Variants in VSIG10 observed in about 807,000 individuals in gnomAD.
VSIG10 encodes V-set and immunoglobulin domain-containing protein 10.
A neutral mutation model predicts 58.7 loss-of-function variants in VSIG10; 48 were observed. That is an observed-to-expected ratio of 0.82 (90% CI 0.65 to 1.04). The LOEUF is 1.04. Ranked by LOEUF, VSIG10 falls within the 50% of genes least tolerant of loss-of-function variation. VSIG10 has a pLI of 0.00. For synonymous variants in VSIG10, 260 were observed against 267.1 expected (o/e 0.97, Z 0.26); for missense variants, 628 against 670.0 (o/e 0.94, Z 0.69).
intron 4 of VSIG10, among the ~76,000 whole-genome samples, chr12:118,075,727 G>A (rs755016883): frequency 6.6e-6 from 1 of 152,068 alleles, no homozygotes; most frequent in Admixed American, 6.6e-5. Context: ...ATTTACTGTG[G>A]GCAAGGCACT....
chr12:118,103,290 C>A, intron 1 of VSIG10: 1 of 321,658 alleles, frequency 3.1e-6, no homozygotes, highest in Non-Finnish European at 5.7e-6. Context: ...AAATCACTTT[C>A]CCGGCACACG....
chr12:118,071,585 G>T, intron 5 of VSIG10, 116 bp from the exon 6 acceptor site: 1 of 877,538 alleles, frequency 1.1e-6, no homozygotes, highest in Non-Finnish European at 1.9e-6. Context: ...CTTGGGTAAG[G>T]CTTATGACCT....
rs1400576913 is a variant in VSIG10 at position 118,066,557 on chromosome 12, G to A, written c.*82C>T. ...CAAGCCCCCGCCAGGGGTGCAGGTG[G>A]AGTCAAAGCTGAATGAAGAGCTCGT... On this transcript the variant is annotated 3_prime_UTR_variant, in exon 9 of 9. Transcript: ENST00000359236. 2.0e-6 allele frequency: 3 copies of A among 1,510,000 alleles called. No individual in the cohort carries two copies. The highest frequency in any genetic ancestry group is 2.8e-6 in the Non-Finnish European group (3 of 1,085,944). 93.5% of individuals were successfully genotyped at this position (1,510,000 alleles called of 1,614,324 possible). A position where few individuals can be genotyped will look rare whatever the true frequency, so the allele number is the denominator to read the frequency against.
rs754356499 is a variant in VSIG10 at position 118,066,706 on chromosome 12, G to A, written c.1568-12C>T. On this transcript the variant is annotated splice_polypyrimidine_tract_variant and intron_variant, in intron 8 of 8. Coordinates refer to ENST00000359236, the MANE Select transcript of VSIG10 (RefSeq NM_019086.6). The stretch of plus-strand genomic sequence containing the variant: ...CTCACTGCTGTCATCTGTATGGGGG[G>A]AAATAAACCCAATGCTTTGTAATCA... 1.9e-6 allele frequency: 3 copies of A among 1,588,578 alleles called. No homozygotes were observed. Among genetic ancestry groups the A allele is most frequent in the African/African-American group, 1.4e-5 (1 of 73,880 alleles).
chr12:118,092,017 A>G (rs1480755636), intron 2 of VSIG10, among the ~76,000 whole-genome samples: 1 of 151,906 alleles, frequency 6.6e-6, no homozygotes, highest in Admixed American at 6.6e-5. Flanking sequence ...CGGCCTCCCA[A>G]AGTGCTGCGA....
At chr12:118,087,853 A>G (rs377608363) in intron 2 of VSIG10, among the ~76,000 whole-genome samples, 2 of 117,204 alleles carry the variant, frequency 1.7e-5, no homozygotes, top group East Asian at 2.2e-4. Flanking sequence ...AAAAAAAAAA[A>G]AAAGAGAGAG....
chr12:118,065,713 ATTTTTCAATAAATGGATTATG>A lies in VSIG10; in HGVS notation c.*905_*925del, dbSNP rs1238719232. 6.6e-6 allele frequency: 1 copy of A among 152,234 alleles called. No homozygotes were observed. 9.4% of individuals were successfully genotyped at this position (152,234 alleles called of 1,614,324 possible). On this transcript the variant is annotated 3_prime_UTR_variant, in exon 9 of 9. Coordinates refer to ENST00000359236, the MANE Select transcript of VSIG10 (RefSeq NM_019086.6). ...ATTTAGCAGGTGATCTTACAAAGATATTTTTCAATAAATGGATTATGTTTTTCAATGAATGGATCTTACAAA... is the reference window on the plus strand; with the variant it reads ...ATTTAGCAGGTGATCTTACAAAGATATTTTTCAATGAATGGATCTTACAAA...
chr12:118,089,444 C>T (rs2033229689), intron 2 of VSIG10, among the ~76,000 whole-genome samples: 1 of 152,186 alleles, frequency 6.6e-6, no homozygotes, highest in Admixed American at 6.6e-5. Flanking sequence ...TGCAATGTCG[C>T]CTTACCCCAC....
intron 2 of VSIG10, among the ~76,000 whole-genome samples, chr12:118,094,496 GC>G (rs1313606384): frequency 6.6e-6 from 1 of 151,862 alleles, no homozygotes; most frequent in Non-Finnish European, 1.5e-5. Flanking sequence ...CGATTCTCCT[GC>G]CTCAGCCTCC....
intron 5 of VSIG10, among the ~76,000 whole-genome samples, chr12:118,073,147 G>A (rs750530115): frequency 6.6e-6 from 1 of 151,928 alleles, no homozygotes; most frequent in Non-Finnish European, 1.5e-5. Flanking sequence ...TAATGGTCTC[G>A]AACTCCCAAC....
rs1434945749 is a variant in VSIG10 at position 118,099,087 on chromosome 12, C to T, written c.80-3273G>A. 2.0e-5 allele frequency among the ~76,000 whole-genome samples: 3 copies of T among 151,736 alleles called. No individual in the cohort carries two copies. In the East Asian group the frequency reaches 5.9e-4, roughly 30 times the overall value. On this transcript the variant is annotated intron_variant, in intron 1 of 8. Coordinates refer to ENST00000359236, the MANE Select transcript of VSIG10 (RefSeq NM_019086.6). ...CCTCCAGGTGATTCTGACGCCCATT[C>T]AAGACTGACAGGTGTCCGGGTGTGA...
At chr12:118,076,652 C>T (rs2032739852) in intron 4 of VSIG10, among the ~76,000 whole-genome samples, 1 of 150,518 alleles carries the variant, frequency 6.6e-6, no homozygotes, top group African/African-American at 2.4e-5. Flanking sequence ...CCTGGCGCTT[C>T]TGATCTCTCT....
intron 4 of VSIG10, among the ~76,000 whole-genome samples, chr12:118,075,279 T>C (rs911321097): frequency 1.3e-5 from 2 of 151,950 alleles, no homozygotes; most frequent in African/African-American, 4.8e-5. Flanking sequence ...CCACTGGGGA[T>C]CTAGGAACAT....
intron 8 of VSIG10, among the ~76,000 whole-genome samples, chr12:118,067,935 A>C (rs770666568): frequency 5.3e-5 from 8 of 150,784 alleles, no homozygotes; most frequent in Non-Finnish European, 8.8e-5. Flanking sequence ...AAGTTTAGCT[A>C]TCTTCCCCAG....
chr12:118,094,172 A>G (rs2033379020), intron 2 of VSIG10, among the ~76,000 whole-genome samples: 1 of 151,518 alleles, frequency 6.6e-6, no homozygotes. Flanking sequence ...TGATAGGTGC[A>G]ATTATGGTGC....
chr12:118,095,925 T>TC, intron 1 of VSIG10, 111 bp from the exon 2 acceptor site: 2 of 640,656 alleles, frequency 3.1e-6, no homozygotes, highest in Admixed American at 1.0e-4. Flanking sequence ...TATATGTTCT[T>TC]TTTTTTTTTT....
intron 2 of VSIG10, among the ~76,000 whole-genome samples, chr12:118,089,879 T>C (rs1361289348): frequency 1.3e-5 from 2 of 152,182 alleles, no homozygotes; most frequent in African/African-American, 4.8e-5. Flanking sequence ...GGTCACCGAC[T>C]CTGTATACCT....
rs781287197 is a variant in VSIG10 at position 118,095,276 on chromosome 12, A to G, written c.361+257T>C. Among the ~76,000 whole-genome samples the G allele has an allele frequency of 1.1e-3, 170 of 151,688 alleles. 1 individual carries two copies. Among genetic ancestry groups the G allele is most frequent in the Non-Finnish European group, 1.9e-3 (127 of 67,886 alleles). ...GGCTGGTCTCAAACTCCTGACTTCA[A>G]GTGATCCGCCCGGCTTGGCCTGCCA... On this transcript the variant is annotated intron_variant, in intron 2 of 8. Coordinates refer to ENST00000359236, the MANE Select transcript of VSIG10 (RefSeq NM_019086.6).
intron 1 of VSIG10, among the ~76,000 whole-genome samples, chr12:118,096,765 G>A (rs917257423): frequency 3.3e-5 from 5 of 149,546 alleles, no homozygotes; most frequent in South Asian, 2.2e-4. Context: ...GCAGCTGGGC[G>A]TAGCGGCTCA....
Sources: allele counts gnomAD v4.1 joint callset (sites outside exome capture counted in the v4.1 genomes callset), GRCh38; gene constraint gnomAD v4.1.1; transcripts MANE v1.5; gene names NCBI Gene and HGNC (gene_info 2026-07-23, HGNC 2026-07-21).